The following COL21A1 variants were observed in gnomAD, a reference collection of about 807,000 sequenced individuals.
COL21A1 encodes collagen type XXI alpha 1 chain.
In COL21A1, 149 loss-of-function variants were observed where a neutral mutation model predicts 137.9. That is an observed-to-expected ratio of 1.08 (90% confidence interval 0.95 to 1.24). The LOEUF is 1.24. Ranked by LOEUF, COL21A1 falls within the 50% of genes most tolerant of loss-of-function variation. The pLI, the probability that COL21A1 is intolerant of heterozygous loss-of-function variation, is 0.00. For missense variants in COL21A1, 1,167 were observed against 1,158.4 expected (o/e 1.01, Z -0.11); for synonymous variants, 456 against 391.5 (o/e 1.16, Z -1.95).
At chr6:56,290,252 T>C (rs1445506622) in intron 1 of COL21A1, among the ~76,000 whole-genome samples, 2 of 151,942 alleles carry the variant, frequency 1.3e-5, no homozygotes, top group Non-Finnish European at 1.5e-5. Flanking sequence ...CTTAGCACTA[T>C]TGATATTGTG....
At chr6:56,138,474 C>T (rs1235998619) in intron 12 of COL21A1, among the ~76,000 whole-genome samples, 1 of 151,706 alleles carries the variant, frequency 6.6e-6, no homozygotes, top group Non-Finnish European at 1.5e-5. Context: ...AGAGAAAGAG[C>T]CAACGAGAAA....
intron 1 of COL21A1, among the ~76,000 whole-genome samples, chr6:56,257,174 A>G (rs1207133755): frequency 1.3e-5 from 2 of 152,214 alleles, no homozygotes; most frequent in African/African-American, 4.8e-5. Context: ...TTATTCCCCC[A>G]GAAAATTCCC....
chr6:56,132,442 T>C (rs1440178699), intron 12 of COL21A1, among the ~76,000 whole-genome samples: 1 of 152,104 alleles, frequency 6.6e-6, no homozygotes, highest in African/African-American at 2.4e-5. Context: ...GGATTAGCCC[T>C]GCCAATATTA....
At chr6:56,181,060 C>A (rs1777854518) in intron 2 of COL21A1, among the ~76,000 whole-genome samples, 1 of 152,180 alleles carries the variant, frequency 6.6e-6, no homozygotes, top group Admixed American at 6.5e-5. Flanking sequence ...AGTTAGGTTG[C>A]CATCCCCTCC....
chr6:56,279,334 A>G (rs1763742505), intron 1 of COL21A1, among the ~76,000 whole-genome samples: 1 of 152,172 alleles, frequency 6.6e-6, no homozygotes, highest in South Asian at 2.1e-4. Flanking sequence ...AGCCAATTAA[A>G]TATTTTATTT....
chr6:56,289,703 G>T (rs1763995834), intron 1 of COL21A1, among the ~76,000 whole-genome samples: 1 of 152,178 alleles, frequency 6.6e-6, no homozygotes, highest in African/African-American at 2.4e-5. Context: ...AACCTGGAGA[G>T]TCATTGATTA....
intron 17 of COL21A1, chr6:56,091,614 C>T (rs1453964718): frequency 6.6e-6 from 1 of 152,578 alleles, no homozygotes; most frequent in Admixed American, 6.6e-5. Flanking sequence ...CCATAAGGCT[C>T]CCTGTACACA....
intron 16 of COL21A1, among the ~76,000 whole-genome samples, chr6:56,106,153 T>C (rs1369896943): frequency 6.6e-6 from 1 of 152,228 alleles, no homozygotes; most frequent in East Asian, 1.9e-4. Context: ...GTTTCTGCTA[T>C]ATAAAATATT....
At chr6:56,359,634 ATTTATC>A (rs1765921490) in intron 1 of COL21A1, among the ~76,000 whole-genome samples, 1 of 152,176 alleles carries the variant, frequency 6.6e-6, no homozygotes, top group Non-Finnish European at 1.5e-5. Context: ...ACATGCACAA[ATTTATC>A]TTTACGAGTA....
At position 56,060,960 on chromosome 6, in the gene COL21A1, C is replaced by A; in HGVS notation, c.2283G>T (p.Gly761=). The part of the protein sequence containing the change: ...KGESGVDGLM[G]PAGPKGQPGD... Reference sequence around the variant, plus strand: ...CAGGTTGCCCCTTAGGACCTGCGGGCCCCATCAAGCCATCCACCCCAGATT... The same window carrying A: ...CAGGTTGCCCCTTAGGACCTGCGGGACCCATCAAGCCATCCACCCCAGATT... Residue 761 remains glycine (G), a synonymous_variant, in exon 26 of 30, where the codon GGG becomes GGT. Transcript: ENST00000244728. The A allele has an allele frequency of 6.2e-7, 1 of 1,607,980 alleles. No individual in the cohort carries two copies. Among genetic ancestry groups the A allele is most frequent in the East Asian group, 2.3e-5 (1 of 44,144 alleles).
At chr6:56,185,155 C>A (rs1778182239) in intron 1 of COL21A1, among the ~76,000 whole-genome samples, 1 of 149,006 alleles carries the variant, frequency 6.7e-6, no homozygotes, top group Non-Finnish European at 1.5e-5. Flanking sequence ...CCTTAAGAAG[C>A]TAGAAAAACT....
intron 10 of COL21A1, among the ~76,000 whole-genome samples, chr6:56,154,285 C>G (rs566714492): frequency 6.6e-6 from 1 of 152,232 alleles, no homozygotes; most frequent in South Asian, 2.1e-4. Flanking sequence ...CTTGGACTTC[C>G]CAGCCTGCAG....
intron 17 of COL21A1, among the ~76,000 whole-genome samples, chr6:56,084,924 C>T (rs184287201): frequency 9.9e-5 from 15 of 152,110 alleles, no homozygotes; most frequent in Admixed American, 7.9e-4. Flanking sequence ...AGTTTTCATG[C>T]CTTGGGAGTT....
At chr6:56,145,034 G>A (rs1182076898) in intron 10 of COL21A1, among the ~76,000 whole-genome samples, 1 of 152,130 alleles carries the variant, frequency 6.6e-6, no homozygotes, top group African/African-American at 2.4e-5. Context: ...CAGACTCAAT[G>A]ACTATTGTAC....
chr6:56,145,457 G>A (rs1026071848), intron 10 of COL21A1, among the ~76,000 whole-genome samples: 1 of 151,916 alleles, frequency 6.6e-6, no homozygotes, highest in Admixed American at 6.6e-5. Context: ...AGAAGAAATA[G>A]AATGAAATTC....
chr6:56,198,407 G>T (rs1779174688), intron 1 of COL21A1, among the ~76,000 whole-genome samples: 1 of 152,040 alleles, frequency 6.6e-6, no homozygotes, highest in Non-Finnish European at 1.5e-5. Flanking sequence ...TAATTGATAT[G>T]CTAGTTAGCT....
intron 1 of COL21A1, among the ~76,000 whole-genome samples, chr6:56,348,994 A>T (rs914404797): frequency 2.6e-5 from 4 of 152,238 alleles, no homozygotes; most frequent in African/African-American, 7.2e-5. Context: ...TGAAGATGCT[A>T]AACATGTCTC....
chr6:56,150,350 C>T (rs1425271097), intron 10 of COL21A1, among the ~76,000 whole-genome samples: 1 of 152,142 alleles, frequency 6.6e-6, no homozygotes, highest in Non-Finnish European at 1.5e-5. Context: ...AACCCCATCT[C>T]TACTAAAAAT....
At chr6:56,095,814 T>C (rs1436912630) in intron 17 of COL21A1, among the ~76,000 whole-genome samples, 1 of 152,160 alleles carries the variant, frequency 6.6e-6, no homozygotes, top group East Asian at 1.9e-4. Flanking sequence ...ATAGGTGAAC[T>C]GTATGTGAAT....
Sources: allele counts gnomAD v4.1 joint callset (sites outside exome capture counted in the v4.1 genomes callset), GRCh38; gene constraint gnomAD v4.1.1; transcripts MANE v1.5; gene names NCBI Gene and HGNC (gene_info 2026-07-23, HGNC 2026-07-21).